RAB2A: variants seen among roughly 807,000 people sequenced by gnomAD.
RAB2A encodes the protein RAB2A, member RAS oncogene family.
RAB2A carries 7 observed loss-of-function variants against 32.5 expected under a neutral mutation model. The ratio of observed to expected loss-of-function variants is 0.22; its 90% CI spans 0.12 to 0.40. The LOEUF (loss-of-function observed/expected upper bound fraction) is 0.40, where lower values mean the gene tolerates loss of function less well. Ranked by LOEUF, RAB2A falls within the 10% of genes least tolerant of loss-of-function variation. The pLI, the probability that RAB2A is intolerant of heterozygous loss-of-function variation, is 1.00. For missense variants in RAB2A, 108 were observed against 260.7 expected, an observed-to-expected ratio of 0.41 and a Z score of 4.03; for synonymous variants, 79 against 85.2, an observed-to-expected ratio of 0.93 and a Z score of 0.40.
chr8:60,550,955 C>T (rs927020446), intron 1 of RAB2A, among the ~76,000 whole-genome samples: 3 of 152,110 alleles, frequency 2.0e-5, no homozygotes, highest in Non-Finnish European at 4.4e-5. Flanking sequence ...AATGTGCCAC[C>T]TTAGAACTTT....
At chr8:60,573,346 T>C (rs199642878) in intron 3 of RAB2A, among the ~76,000 whole-genome samples, 1 of 152,344 alleles carries the variant, frequency 6.6e-6, no homozygotes, top group East Asian at 1.9e-4. Flanking sequence ...TCACTTGTCA[T>C]GTGTAGTAGC....
intron 1 of RAB2A, 54 bp from the exon 2 acceptor site, chr8:60,558,798 A>C (rs1807976678): frequency 6.9e-7 from 1 of 1,441,912 alleles, no homozygotes. Context: ...CTTTTTGTAA[A>C]GCATCTTAAT....
intron 1 of RAB2A, among the ~76,000 whole-genome samples, chr8:60,521,706 C>T (rs1270040971): frequency 1.3e-5 from 2 of 152,162 alleles, no homozygotes; most frequent in Admixed American, 6.5e-5. Context: ...CTGCAACCTC[C>T]ACCTCTTAGG....
chr8:60,554,810 G>A (rs1475964436), intron 1 of RAB2A, among the ~76,000 whole-genome samples: 5 of 151,960 alleles, frequency 3.3e-5, no homozygotes, highest in African/African-American at 4.8e-5. Context: ...CCGAGATTGC[G>A]CCACTGCACT....
In RAB2A at chr8:60,610,425, T is replaced by A. The variant is rs1397761481; in HGVS notation, c.475-8155T>A. Among the ~76,000 whole-genome samples the A allele has an allele frequency of 2.0e-5, 3 of 152,208 alleles. No homozygotes were observed. In the East Asian group the frequency reaches 5.8e-4, roughly 29 times the overall value. On this transcript the variant is annotated intron_variant, in intron 6 of 7. Transcript: ENST00000262646. ...GGGACCATCTTGTCTTGGGCTTTGT[T>A]GTAACTGGTGGAATGAGTATTTTTA...
intron 3 of RAB2A, among the ~76,000 whole-genome samples, chr8:60,580,992 A>G (rs1318192997): frequency 6.6e-6 from 1 of 152,164 alleles, no homozygotes; most frequent in Non-Finnish European, 1.5e-5. Flanking sequence ...TTTATTTTGA[A>G]CTAATAAAAT....
intron 1 of RAB2A, among the ~76,000 whole-genome samples, chr8:60,538,543 A>G (rs761063016): frequency 5.9e-5 from 9 of 152,228 alleles, no homozygotes; most frequent in Non-Finnish European, 1.2e-4. Flanking sequence ...TATGCAGAGC[A>G]TGGAAGGAAG....
At position 60,517,017 on chromosome 8, in the gene RAB2A, C is replaced by G. The variant is rs1807214771; in HGVS notation, c.-191C>G. On this transcript the variant is annotated 5_prime_UTR_variant, in exon 1 of 8. Transcript: ENST00000262646. ...TCGGCTGGGCTCGGTCGGGCGCTGTCTCCCTCGGCTCTGCGGGTGTCAGTT... is the reference window on the plus strand; with the variant it reads ...TCGGCTGGGCTCGGTCGGGCGCTGTGTCCCTCGGCTCTGCGGGTGTCAGTT... 1 of 504,262 alleles carries G rather than the reference C, an allele frequency of 2.0e-6. No individual in the cohort carries two copies. Among genetic ancestry groups the G allele is most frequent in the Admixed American group, 4.4e-5 (1 of 22,684 alleles). The allele number at this position is 504,262 out of a possible 1,614,324, so 31.2% of individuals were successfully genotyped here. A position where few individuals can be genotyped will look rare whatever the true frequency, so the allele number is the denominator to read the frequency against.
chr8:60,568,334 T>C (rs1348902671), intron 2 of RAB2A, among the ~76,000 whole-genome samples: 2 of 150,236 alleles, frequency 1.3e-5, no homozygotes, highest in African/African-American at 4.9e-5. Context: ...TACCAGTGAT[T>C]ACCTGGCTCT....
At chr8:60,606,960 C>T (rs539035586) in intron 6 of RAB2A, among the ~76,000 whole-genome samples, 4 of 152,320 alleles carry the variant, frequency 2.6e-5, no homozygotes, top group Admixed American at 2.0e-4. Context: ...CGTAACATCT[C>T]TTAACATACC....
intron 2 of RAB2A, among the ~76,000 whole-genome samples, chr8:60,560,750 T>G (rs1188088970): frequency 6.7e-6 from 1 of 149,662 alleles, no homozygotes; most frequent in Non-Finnish European, 1.5e-5. Flanking sequence ...TGTTTTTTGT[T>G]TTTTTTTTTT....
intron 2 of RAB2A, among the ~76,000 whole-genome samples, chr8:60,559,820 A>G (rs940147970): frequency 1.3e-5 from 2 of 152,182 alleles, no homozygotes; most frequent in Non-Finnish European, 2.9e-5. Flanking sequence ...TGCTGACATT[A>G]TTAATTTACT....
At chr8:60,554,242 C>G (rs998170125) in intron 1 of RAB2A, among the ~76,000 whole-genome samples, 2 of 152,138 alleles carry the variant, frequency 1.3e-5, no homozygotes, top group African/African-American at 2.4e-5. Flanking sequence ...AGAACCAGAA[C>G]TAGAGCACTG....
intron 2 of RAB2A, among the ~76,000 whole-genome samples, chr8:60,569,687 A>G (rs963532394): frequency 2.0e-5 from 3 of 151,722 alleles, no homozygotes; most frequent in Non-Finnish European, 4.4e-5. Flanking sequence ...TAATTTTTTA[A>G]TTTTTCATGG....
chr8:60,599,804 A>G (rs1008653196), intron 6 of RAB2A, among the ~76,000 whole-genome samples: 4 of 150,902 alleles, frequency 2.7e-5, no homozygotes, highest in Non-Finnish European at 5.9e-5. Context: ...ATATGAACAT[A>G]TTTATCTTTT....
At chr8:60,607,626 A>G (rs1025746889) in intron 6 of RAB2A, among the ~76,000 whole-genome samples, 3 of 151,996 alleles carry the variant, frequency 2.0e-5, no homozygotes, top group African/African-American at 7.3e-5. Flanking sequence ...ACTAATGTAC[A>G]CTTAAGAATT....
intron 3 of RAB2A, among the ~76,000 whole-genome samples, chr8:60,580,818 A>T (rs960728269): frequency 2.0e-5 from 3 of 152,142 alleles, no homozygotes; most frequent in Non-Finnish European, 4.4e-5. Flanking sequence ...ACTATCTCTT[A>T]TCTAGGCTCT....
chr8:60,525,993 GTCTA>G lies in RAB2A; in HGVS notation c.46+8742_46+8745del, dbSNP rs1457848734. On this transcript the variant is annotated intron_variant, in intron 1 of 7. Coordinates refer to ENST00000262646, the MANE Select transcript of RAB2A (RefSeq NM_002865.3). Reference sequence around the variant, plus strand: ...TGTCTATATGTCTATATGTATATATGTCTATATGTATATATGTGTGTGTGTACAT... The same window carrying G: ...TGTCTATATGTCTATATGTATATATGTATGTATATATGTGTGTGTGTACAT... Among the ~76,000 whole-genome samples the G allele has an allele frequency of 7.5e-5, 9 of 119,918 alleles. No individual in the cohort carries two copies. The East Asian group carries it at 1.7e-3, about 22-fold the overall frequency. 78.7% of individuals were successfully genotyped at this position (119,918 alleles called of 152,430 possible). A position where few individuals can be genotyped will look rare whatever the true frequency, so the allele number is the denominator to read the frequency against.
chr8:60,526,017 G>GCACATA (rs879271913), intron 1 of RAB2A, among the ~76,000 whole-genome samples: 3,497 of 73,782 alleles, frequency 0.047, 137 homozygotes, highest in East Asian at 0.072. Flanking sequence ...ATGTGTGTGT[G>GCACATA]TACATATATA....
Sources: gnomAD v4.1 joint callset for allele counts (sites outside exome capture counted in the v4.1 genomes callset) on GRCh38, gnomAD v4.1.1 for gene constraint, MANE v1.5 for transcripts, NCBI Gene and HGNC (gene_info 2026-07-23, HGNC 2026-07-21) for gene names.